The following COL22A1 variants were observed in gnomAD, a reference collection of about 807,000 sequenced individuals.
COL22A1 encodes collagen type XXII alpha 1 chain.
Under a neutral mutation model 248.9 loss-of-function variants are expected in COL22A1, and 221 were observed. That is an observed-to-expected ratio of 0.89 (90% CI 0.80 to 0.99). The LOEUF (loss-of-function observed/expected upper bound fraction) is 0.99, where lower values mean the gene tolerates loss of function less well. COL22A1 is among the 50% of genes least tolerant of loss of function. COL22A1 has a pLI of 0.00. For synonymous variants in COL22A1, 891 were observed against 793.4 expected (o/e 1.12, Z -2.07); for missense variants, 2,240 against 2,179.0 (o/e 1.03, Z -0.56).
intron 13 of COL22A1, 66 bp downstream of exon 13, chr8:138,780,861 G>A: frequency 7.3e-7 from 1 of 1,368,318 alleles, no homozygotes; most frequent in South Asian, 1.2e-5. Flanking sequence ...AGGACACGGG[G>A]TTCTGACCAG....
In COL22A1 at chr8:138,626,344, T is replaced by C. The variant is rs1820237920; in HGVS notation, c.3664-101A>G. On this transcript the variant is annotated intron_variant, in intron 50 of 64. Transcript: ENST00000303045. ...TGCATTCATGGGTTGGGGGAGTGAGTGTTTGGTGAGAAACAAGGAGTGCTT... is the reference window on the plus strand; with the variant it reads ...TGCATTCATGGGTTGGGGGAGTGAGCGTTTGGTGAGAAACAAGGAGTGCTT... The C allele has an allele frequency of 4.2e-6, 4 of 948,976 alleles. No homozygotes were observed. In the South Asian group the frequency reaches 5.6e-5, roughly 13 times the overall value. 58.8% of individuals were successfully genotyped at this position (948,976 alleles called of 1,614,324 possible).
At chr8:138,694,204 T>G (rs1420070693) in intron 34 of COL22A1, among the ~76,000 whole-genome samples, 2 of 152,208 alleles carry the variant, frequency 1.3e-5, no homozygotes, top group African/African-American at 4.8e-5. Flanking sequence ...CAGAGGCCCT[T>G]GCTCTCCAGA....
intron 47 of COL22A1, among the ~76,000 whole-genome samples, chr8:138,646,169 A>G (rs1023268025): frequency 2.6e-5 from 4 of 152,204 alleles, no homozygotes. Flanking sequence ...TTTTAGACAG[A>G]TGCCTTATCA....
intron 35 of COL22A1, among the ~76,000 whole-genome samples, chr8:138,691,644 TGCGTGTATGCATGTTTGTGGGG>T (rs1826898281): frequency 1.3e-5 from 2 of 150,912 alleles, no homozygotes; most frequent in African/African-American, 2.4e-5. Flanking sequence ...TGTGTGCACG[TGCGTGTATGCATGTTTGTGGGG>T]GTGTGTATAT....
At chr8:138,766,323 A>G (rs1046320226) in intron 16 of COL22A1, among the ~76,000 whole-genome samples, 18 of 152,172 alleles carry the variant, frequency 1.2e-4, no homozygotes, top group African/African-American at 4.1e-4. Flanking sequence ...GCTGGCCGGC[A>G]TGTGACAGAG....
chr8:138,635,155 C>A, intron 48 of COL22A1, 92 bp from the exon 49 acceptor site: 1 of 1,063,470 alleles, frequency 9.4e-7, no homozygotes, highest in Admixed American at 2.8e-5. Flanking sequence ...AATACAGAAT[C>A]CACCTTCCAA....
At chr8:138,622,451 A>G (rs1819882431) in intron 52 of COL22A1, among the ~76,000 whole-genome samples, 1 of 152,336 alleles carries the variant, frequency 6.6e-6, no homozygotes, top group Middle Eastern at 3.4e-3. Flanking sequence ...GGCATAAAAT[A>G]TTTTTATTTA....
intron 16 of COL22A1, among the ~76,000 whole-genome samples, chr8:138,771,320 G>A (rs1328916183): frequency 1.3e-5 from 2 of 152,162 alleles, no homozygotes; most frequent in African/African-American, 4.8e-5. Flanking sequence ...TCTGACCTTC[G>A]GGCCTGGTAA....
At chr8:138,625,397 T>TA (rs1172602191) in intron 51 of COL22A1, among the ~76,000 whole-genome samples, 5 of 152,012 alleles carry the variant, frequency 3.3e-5, no homozygotes, top group African/African-American at 1.2e-4. Flanking sequence ...CTGTAGACAG[T>TA]AAGTGCTACA....
At chr8:138,886,316 G>A (rs1199078232) in intron 1 of COL22A1, among the ~76,000 whole-genome samples, 1 of 152,196 alleles carries the variant, frequency 6.6e-6, no homozygotes, top group Non-Finnish European at 1.5e-5. Flanking sequence ...AGCAGTGACT[G>A]CGTCTTATTG....
At chr8:138,616,501 A>G (rs1819332320) in intron 54 of COL22A1, among the ~76,000 whole-genome samples, 1 of 152,200 alleles carries the variant, frequency 6.6e-6, no homozygotes, top group South Asian at 2.1e-4. Context: ...TAGTCTCTGG[A>G]GTCTTCCCAT....
chr8:138,657,446 G>A (rs1823379592), intron 44 of COL22A1, among the ~76,000 whole-genome samples: 1 of 152,234 alleles, frequency 6.6e-6, no homozygotes, highest in African/African-American at 2.4e-5. Context: ...ATTAGAGTCA[G>A]TTATATCAGA....
At chr8:138,647,890 C>T (rs1822351690) in intron 46 of COL22A1, among the ~76,000 whole-genome samples, 1 of 152,112 alleles carries the variant, frequency 6.6e-6, no homozygotes, top group Non-Finnish European at 1.5e-5. Flanking sequence ...TTAGAAATGC[C>T]ACCCTGACAG....
chr8:138,910,758 T>C (rs992950332), intron 1 of COL22A1, among the ~76,000 whole-genome samples: 1 of 152,192 alleles, frequency 6.6e-6, no homozygotes, highest in East Asian at 1.9e-4. Flanking sequence ...AAGGTCTTAG[T>C]TGAAACAAAA....
At chr8:138,741,557 A>G (rs1256377845) in intron 22 of COL22A1, among the ~76,000 whole-genome samples, 1 of 152,254 alleles carries the variant, frequency 6.6e-6, no homozygotes, top group Non-Finnish European at 1.5e-5. Context: ...TGAGGAAGTT[A>G]TTTATAAAAC....
intron 25 of COL22A1, among the ~76,000 whole-genome samples, chr8:138,722,581 G>A (rs1210381594): frequency 6.6e-6 from 1 of 152,154 alleles, no homozygotes; most frequent in Non-Finnish European, 1.5e-5. Context: ...TATTTCGAAT[G>A]CCAGCACTGA....
At chr8:138,842,749 AAAGTG>A (rs1283892449) in intron 4 of COL22A1, among the ~76,000 whole-genome samples, 2 of 152,250 alleles carry the variant, frequency 1.3e-5, no homozygotes, top group Non-Finnish European at 2.9e-5. Flanking sequence ...TTAGGTTAAC[AAAGTG>A]AAGAAGATGA....
chr8:138,710,184 C>G lies in COL22A1; in HGVS notation c.2517+5498G>C, dbSNP rs566021227. 9.2e-5 allele frequency among the ~76,000 whole-genome samples: 14 copies of G among 152,292 alleles called. 1 individual carries two copies. The South Asian group carries it at 2.9e-3, about 32-fold the overall frequency. On this transcript the variant is annotated intron_variant, in intron 30 of 64. Coordinates refer to ENST00000303045, the MANE Select transcript of COL22A1 (RefSeq NM_152888.3). ...GCATGGCACAGAGATTGAGCAAGACCGTAAGGAGTACGGTGTTATTACATT... is the reference window on the plus strand; with the variant it reads ...GCATGGCACAGAGATTGAGCAAGACGGTAAGGAGTACGGTGTTATTACATT...
At chr8:138,865,929 GTGTGTATGTT>G (rs1017057353) in intron 3 of COL22A1, among the ~76,000 whole-genome samples, 1 of 151,122 alleles carries the variant, frequency 6.6e-6, no homozygotes, top group Non-Finnish European at 1.5e-5. Context: ...GTGTATATGT[GTGTGTATGTT>G]TGTGTATGTT....
Sources: gnomAD v4.1 joint callset for allele counts (sites outside exome capture counted in the v4.1 genomes callset) on GRCh38, gnomAD v4.1.1 for gene constraint, MANE v1.5 for transcripts, NCBI Gene and HGNC (gene_info 2026-07-23, HGNC 2026-07-21) for gene names.